Variants in MARCHF6 observed in about 807,000 individuals in gnomAD.
MARCHF6 encodes membrane associated ring-CH-type finger 6.
In MARCHF6, 31 loss-of-function variants were observed where a neutral mutation model predicts 133.7. The ratio of observed to expected loss-of-function variants is 0.23; its 90% CI spans 0.17 to 0.31. The LOEUF is 0.31. Ranked by LOEUF, MARCHF6 falls within the 10% of genes least tolerant of loss-of-function variation. The pLI is 1.00. For missense variants in MARCHF6, 723 were observed against 1,121.6 expected, an observed-to-expected ratio of 0.64 and a Z score of 5.08; for synonymous variants, 395 against 402.5, an observed-to-expected ratio of 0.98 and a Z score of 0.22.
At chr5:10,383,842 G>A (rs1481897964) in intron 4 of MARCHF6, among the ~76,000 whole-genome samples, 2 of 152,192 alleles carry the variant, frequency 1.3e-5, no homozygotes, top group African/African-American at 4.8e-5. Flanking sequence ...ATCTTAACGT[G>A]GGAGAAATTG....
intron 25 of MARCHF6, among the ~76,000 whole-genome samples, chr5:10,432,856 TCTC>T (rs1357807615): frequency 6.6e-6 from 1 of 151,968 alleles, no homozygotes; most frequent in Non-Finnish European, 1.5e-5. Context: ...TCTCCTTTCT[TCTC>T]TGTAACTAGA....
rs563626364 is a variant in MARCHF6 at position 10,411,945 on chromosome 5, T to C, written c.1896+408T>C. On this transcript the variant is annotated intron_variant, in intron 19 of 25. Coordinates refer to ENST00000274140, the MANE Select transcript of MARCHF6 (RefSeq NM_005885.4). The stretch of plus-strand genomic sequence containing the variant: ...GCAATATTGGTTAAGAATGTGCCTA[T>C]TACATGTTCGTTAGCAAGTGATCAA... 7.2e-5 allele frequency among the ~76,000 whole-genome samples: 11 copies of C among 152,356 alleles called. No individual in the cohort carries two copies. In the East Asian group the frequency reaches 1.2e-3, roughly 16 times the overall value.
Position 10,440,233 on chromosome 5 carries a change from A to C in MARCHF6, c.*6549A>C, listed in dbSNP as rs937375129. 2 of 152,206 alleles carry C rather than the reference A, an allele frequency of 1.3e-5. No homozygotes were observed. Among genetic ancestry groups the C allele is most frequent in the Non-Finnish European group, 2.9e-5 (2 of 68,026 alleles). 9.4% of individuals were successfully genotyped at this position (152,206 alleles called of 1,614,324 possible). ...GTAATGCTAAGTTAGTAAATAAATG[A>C]TGAATTTAGAATCAAAATAATGTGT... On this transcript the variant is annotated 3_prime_UTR_variant, in exon 26 of 26. Coordinates refer to ENST00000274140, the MANE Select transcript of MARCHF6 (RefSeq NM_005885.4).
intron 4 of MARCHF6, among the ~76,000 whole-genome samples, chr5:10,386,024 CTTAT>C (rs1561116857): frequency 6.6e-6 from 1 of 150,486 alleles, no homozygotes; most frequent in East Asian, 1.9e-4. Flanking sequence ...GTTGTGCTGT[CTTAT>C]TTTTTTTTTT....
At chr5:10,359,783 T>C (rs544487542) in intron 1 of MARCHF6, among the ~76,000 whole-genome samples, 2 of 152,154 alleles carry the variant, frequency 1.3e-5, no homozygotes, top group African/African-American at 2.4e-5. Flanking sequence ...GGCAGGCAGA[T>C]CACCTGAGGT....
intron 1 of MARCHF6, among the ~76,000 whole-genome samples, chr5:10,372,971 G>A (rs1048242332): frequency 2.0e-5 from 3 of 151,912 alleles, no homozygotes; most frequent in Admixed American, 6.6e-5. Flanking sequence ...GAGATGGGAG[G>A]ATTGCCTGAG....
rs777620788 is a variant in MARCHF6, at chr5:10,377,792, T to C, written c.20-6T>C. Reference sequence around the variant, plus strand: ...AGGAAATTCAATTTTCCTTTTTCATTGGCAGACATATGTAGAGTGTGTCGG... The same window carrying C: ...AGGAAATTCAATTTTCCTTTTTCATCGGCAGACATATGTAGAGTGTGTCGG... On this transcript the variant is annotated splice_polypyrimidine_tract_variant and splice_region_variant and intron_variant, in intron 1 of 25. Transcript: ENST00000274140. The C allele has an allele frequency of 1.2e-6, 2 of 1,600,818 alleles. No individual in the cohort carries two copies. The highest frequency in any genetic ancestry group is 1.7e-6 in the Non-Finnish European group (2 of 1,168,812).
intron 22 of MARCHF6, among the ~76,000 whole-genome samples, chr5:10,421,344 G>A (rs1739811377): frequency 1.3e-5 from 2 of 152,166 alleles, no homozygotes; most frequent in African/African-American, 4.8e-5. Context: ...AAATGAAGTA[G>A]AGATATTTGT....
intron 5 of MARCHF6, among the ~76,000 whole-genome samples, chr5:10,387,328 A>G (rs1274613531): frequency 5.1e-5 from 7 of 136,888 alleles, no homozygotes; most frequent in Non-Finnish European, 7.8e-5. Flanking sequence ...TTTGAGATGG[A>G]GTCTTGTTCT....
Position 10,391,726 on chromosome 5 carries a change from C to T in MARCHF6, c.761C>T (p.Ala254Val). The T allele has an allele frequency of 6.5e-7, 1 of 1,546,808 alleles. No individual in the cohort carries two copies. Residue 254 changes from alanine (A) to valine (V), a missense_variant, in exon 7 of 26, where the codon GCC becomes GTC. By Grantham distance (64) the Ala-to-Val change is moderately conservative. Transcript: ENST00000274140. ...GATGCGGCAGATGCTAATAACGGAG[C>T]CCAGGGTAATGGCTGCTTGTGTGTC... ...VEDAADANNG[A>V]QDDMNWNALE...
chr5:10,365,426 G>A (rs970612242), intron 1 of MARCHF6, among the ~76,000 whole-genome samples: 7 of 151,936 alleles, frequency 4.6e-5, no homozygotes, highest in Non-Finnish European at 7.4e-5. Flanking sequence ...TCAGCCTCCC[G>A]AGTAGCTGGG....
intron 3 of MARCHF6, 60 bp downstream of exon 3, chr5:10,378,892 GT>G: frequency 9.3e-7 from 1 of 1,078,818 alleles, no homozygotes; most frequent in South Asian, 1.3e-5. Context: ...GCATAAAGGT[GT>G]TTGATATGAT....
Position 10,438,543 on chromosome 5 carries a change from T to C in MARCHF6, c.*4859T>C, listed in dbSNP as rs1356952034. 2 of 152,198 alleles carry C rather than the reference T, an allele frequency of 1.3e-5. No individual in the cohort carries two copies. Among genetic ancestry groups the C allele is most frequent in the African/African-American group, 4.8e-5 (2 of 41,446 alleles). 9.4% of individuals were successfully genotyped at this position (152,198 alleles called of 1,614,324 possible). Reference sequence around the variant, plus strand: ...TCCGCTCCACAGTTCATAGCTACTCTTGTTGCAAACATGTAGTGATAAGGA... The same window carrying C: ...TCCGCTCCACAGTTCATAGCTACTCCTGTTGCAAACATGTAGTGATAAGGA... On this transcript the variant is annotated 3_prime_UTR_variant, in exon 26 of 26. Coordinates refer to ENST00000274140, the MANE Select transcript of MARCHF6 (RefSeq NM_005885.4).
rs140717188 is a variant in MARCHF6, at chr5:10,418,241, G to A, written c.2283+837G>A. Among the ~76,000 whole-genome samples, 10 of 152,166 alleles carry A rather than the reference G, an allele frequency of 6.6e-5. No homozygotes were observed. In the East Asian group the frequency reaches 1.7e-3, roughly 26 times the overall value. On this transcript the variant is annotated intron_variant, in intron 22 of 25. Transcript: ENST00000274140. ...CCAAAATACAAAAAATTAGCCAAGC[G>A]TGGTGGTGTGGGCATGTGGTCCCAG...
At position 10,426,449 on chromosome 5, in the gene MARCHF6, T is replaced by C. The variant is rs779838146; in HGVS notation, c.2433T>C (p.Ala811=). The change falls in exon 24 of 26, where the codon GCT becomes GCC. Residue 811 remains alanine (A), a synonymous_variant. Coordinates refer to ENST00000274140, the MANE Select transcript of MARCHF6 (RefSeq NM_005885.4). Reference sequence around the variant, plus strand: ...ACTATATTGTTCGTAAACTGGCAGCTCCCGTGATCTCTGTGCTGTTGCTTT... The same window carrying C: ...ACTATATTGTTCGTAAACTGGCAGCCCCCGTGATCTCTGTGCTGTTGCTTT... ...DLHYIVRKLA[A]PVISVLLLSL... 21 of 1,614,082 alleles carry C rather than the reference T, an allele frequency of 1.3e-5. No individual in the cohort carries two copies. The highest frequency in any genetic ancestry group is 1.8e-5 in the Non-Finnish European group (21 of 1,180,022).
At chr5:10,415,353 GT>G (rs1739447486) in intron 20 of MARCHF6, 134 bp from the exon 21 acceptor site, 4 of 817,684 alleles carry the variant, frequency 4.9e-6, no homozygotes, top group East Asian at 2.5e-5. Flanking sequence ...TTTGTCTTTT[GT>G]TTTTTTGATG....
Position 10,415,634 on chromosome 5 carries a change from G to T in MARCHF6, c.2113G>T (p.Val705Leu). The T allele has an allele frequency of 6.2e-7, 1 of 1,614,138 alleles. No individual in the cohort carries two copies. The highest frequency in any genetic ancestry group is 8.5e-7 in the Non-Finnish European group (1 of 1,180,012). Residue 705 changes from valine to leucine, a missense_variant, in exon 21 of 26, where the codon GTG becomes TTG. Val to Leu is a conservative substitution (Grantham distance 32). Around this residue, in one of 4 missense-constraint regions of MARCHF6, gnomAD observed 492 missense variants for 699.5 expected, o/e 0.70. Coordinates refer to ENST00000274140, the MANE Select transcript of MARCHF6 (RefSeq NM_005885.4). ...MVAWMPQGRR[V>L]IFQKVKEWSL... Reference sequence around the variant, plus strand: ...GGCATGGATGCCTCAGGGACGCAGAGTGATCTTCCAGAAGGTTAAAGAGTG... The same window carrying T: ...GGCATGGATGCCTCAGGGACGCAGATTGATCTTCCAGAAGGTTAAAGAGTG...
chr5:10,425,473 T>C (rs192093271), intron 23 of MARCHF6, among the ~76,000 whole-genome samples: 11 of 152,382 alleles, frequency 7.2e-5, no homozygotes, highest in Admixed American at 7.2e-4. Flanking sequence ...CGTATGTGCG[T>C]GTGTGTCTCT....
intron 2 of MARCHF6, 88 bp from the exon 3 acceptor site, chr5:10,378,671 A>T: frequency 1.2e-6 from 1 of 846,648 alleles, no homozygotes; most frequent in Non-Finnish European, 1.9e-6. Flanking sequence ...TGTGATATAT[A>T]CATTTTTAAT....
Sources: gnomAD v4.1 joint callset for allele counts (sites outside exome capture counted in the v4.1 genomes callset) on GRCh38, gnomAD v4.1.1 for gene constraint, gnomAD v4.1.1 regional missense constraint, MANE v1.5 for transcripts, NCBI Gene and HGNC (gene_info 2026-07-23, HGNC 2026-07-21) for gene names.